The following CLASP1 variants were observed in gnomAD, a reference collection of about 807,000 sequenced individuals.
The protein encoded by CLASP1 is cytoplasmic linker associated protein 1, also known as CLIP-associating protein 1.
In CLASP1, 38 loss-of-function variants were observed where a neutral mutation model predicts 192.3. The observed-to-expected ratio is 0.20, with a 90% CI of 0.15 to 0.26. The LOEUF is 0.26. Among genes scored for constraint, CLASP1 ranks in the 10% least tolerant of loss-of-function variants. The pLI is 1.00. For missense variants in CLASP1, 1,433 were observed against 1,932.5 expected, an observed-to-expected ratio of 0.74 and a Z score of 4.85; for synonymous variants, 691 against 712.8, an observed-to-expected ratio of 0.97 and a Z score of 0.49.
intron 32 of CLASP1, among the ~76,000 whole-genome samples, chr2:121,385,861 G>A (rs2073072875): frequency 6.6e-6 from 1 of 152,158 alleles, no homozygotes; most frequent in Admixed American, 6.5e-5. Flanking sequence ...CAAAAGTCAA[G>A]CATATTTTCA....
At chr2:121,632,809 T>A (rs1403543476) in intron 1 of CLASP1, among the ~76,000 whole-genome samples, 1 of 151,268 alleles carries the variant, frequency 6.6e-6, no homozygotes, top group South Asian at 2.1e-4. Context: ...GACAGGAGAA[T>A]CACTTGAACC....
At chr2:121,381,081 C>T (rs2071525241) in intron 33 of CLASP1, among the ~76,000 whole-genome samples, 2 of 152,196 alleles carry the variant, frequency 1.3e-5, no homozygotes, top group African/African-American at 2.4e-5. Flanking sequence ...GCCGTCTCCT[C>T]GCCTGCTTGC....
chr2:121,442,369 G>A (rs2083487689), intron 19 of CLASP1, among the ~76,000 whole-genome samples: 1 of 151,994 alleles, frequency 6.6e-6, no homozygotes. Context: ...AGTCATAAAT[G>A]TTAGGATTCC....
chr2:121,621,856 GT>G (rs2067416330), intron 1 of CLASP1, among the ~76,000 whole-genome samples: 1 of 152,060 alleles, frequency 6.6e-6, no homozygotes, highest in Non-Finnish European at 1.5e-5. Context: ...TTGTTTGTTT[GT>G]TTGTTTATGA....
intron 19 of CLASP1, among the ~76,000 whole-genome samples, chr2:121,435,513 A>C (rs1462382667): frequency 1.3e-5 from 2 of 152,122 alleles, no homozygotes; most frequent in African/African-American, 4.8e-5. Context: ...ACCTCAGGTG[A>C]TCTGCCCGCC....
At chr2:121,450,254 C>G (rs748847643) in intron 16 of CLASP1, among the ~76,000 whole-genome samples, 2 of 151,836 alleles carry the variant, frequency 1.3e-5, no homozygotes, top group Non-Finnish European at 2.9e-5. Context: ...TGACGAGAAC[C>G]TGGGAGGTGG....
intron 7 of CLASP1, among the ~76,000 whole-genome samples, chr2:121,508,409 C>A (rs1295543932): frequency 1.3e-5 from 2 of 152,144 alleles, no homozygotes; most frequent in African/African-American, 4.8e-5. Flanking sequence ...TAGAAAATAT[C>A]TATTTAACAC....
At chr2:121,483,869 A>G (rs1297194374) in intron 8 of CLASP1, among the ~76,000 whole-genome samples, 1 of 152,242 alleles carries the variant, frequency 6.6e-6, no homozygotes, top group Non-Finnish European at 1.5e-5. Context: ...TCAAAATTTC[A>G]AAGTAGTTAG....
At chr2:121,443,302 A>G (rs1029749863) in intron 19 of CLASP1, among the ~76,000 whole-genome samples, 3 of 152,166 alleles carry the variant, frequency 2.0e-5, no homozygotes, top group African/African-American at 7.2e-5. Flanking sequence ...AAAGTTAAAA[A>G]GTCCTAGGGC....
intron 2 of CLASP1, among the ~76,000 whole-genome samples, chr2:121,533,973 C>T (rs1457413715): frequency 6.6e-6 from 1 of 152,202 alleles, no homozygotes; most frequent in East Asian, 1.9e-4. Flanking sequence ...GAGAAGAGGG[C>T]TGACCAGGTC....
At chr2:121,363,086 C>T in intron 37 of CLASP1, 86 bp downstream of exon 38, 3 of 1,536,908 alleles carry the variant, frequency 2.0e-6, no homozygotes, top group South Asian at 2.4e-5. Context: ...TTAAGCTGTG[C>T]ACTGATTCTG....
At chr2:121,451,768 T>C in intron 15 of CLASP1, 22 bp downstream of exon 15, 1 of 1,559,476 alleles carries the variant, frequency 6.4e-7, no homozygotes, top group Non-Finnish European at 8.7e-7. Context: ...GAGGGAAAAA[T>C]GGTTTCAAAT....
intron 7 of CLASP1, among the ~76,000 whole-genome samples, chr2:121,507,082 C>T (rs748666812): frequency 1.8e-4 from 28 of 152,114 alleles, no homozygotes; most frequent in Non-Finnish European, 2.5e-4. Context: ...AAAAATCAGT[C>T]AACAAAAACT....
chr2:121,478,396 T>C (rs909435974), intron 8 of CLASP1, among the ~76,000 whole-genome samples: 2 of 151,572 alleles, frequency 1.3e-5, no homozygotes, highest in Non-Finnish European at 2.9e-5. Context: ...AGGTCAGGAG[T>C]TCCAGACCAG....
intron 35 of CLASP1, among the ~76,000 whole-genome samples, chr2:121,367,171 C>T (rs905826481): frequency 1.3e-5 from 2 of 152,230 alleles, no homozygotes; most frequent in African/African-American, 4.8e-5. Context: ...TCTCACTCCA[C>T]AGCTCGGGGA....
intron 24 of CLASP1, among the ~76,000 whole-genome samples, chr2:121,409,583 AC>A (rs2077396331): frequency 6.6e-6 from 1 of 152,212 alleles, no homozygotes; most frequent in Non-Finnish European, 1.5e-5. Context: ...AACTTTACAC[AC>A]AGTCCCTTAT....
At chr2:121,529,421 G>A (rs890088622) in intron 3 of CLASP1, among the ~76,000 whole-genome samples, 6 of 152,202 alleles carry the variant, frequency 3.9e-5, no homozygotes, top group African/African-American at 1.4e-4. Flanking sequence ...AATATCAAAT[G>A]TCTAAAAGTA....
intron 16 of CLASP1, among the ~76,000 whole-genome samples, chr2:121,450,362 G>C (rs891078240): frequency 2.0e-5 from 3 of 151,740 alleles, no homozygotes; most frequent in African/African-American, 7.3e-5. Context: ...AGGAGGTAAC[G>C]AATACAGAGG....
At chr2:121,497,549 C>T (rs2093582491) in intron 8 of CLASP1, among the ~76,000 whole-genome samples, 2 of 152,044 alleles carry the variant, frequency 1.3e-5, no homozygotes, top group African/African-American at 4.8e-5. Context: ...AAAATTATAG[C>T]CACGGATATG....
Sources: allele counts gnomAD v4.1 joint callset (sites outside exome capture counted in the v4.1 genomes callset), GRCh38; gene constraint gnomAD v4.1.1; transcripts MANE v1.5; gene names NCBI Gene and HGNC (gene_info 2026-07-23, HGNC 2026-07-21).